VRK2: variants seen among roughly 807,000 people sequenced by gnomAD.
VRK2 encodes the protein VRK serine/threonine kinase 2, also known as serine/threonine-protein kinase VRK2.
Under a neutral mutation model 57.6 loss-of-function variants are expected in VRK2, and 60 were observed. The ratio of observed to expected loss-of-function variants is 1.04; its 90% confidence interval spans 0.85 to 1.29. VRK2 has a LOEUF of 1.29. Ranked by LOEUF, VRK2 falls within the 50% of genes most tolerant of loss-of-function variation. The probability of loss-of-function intolerance (pLI) is 0.00; values close to 1 mark genes in which losing one functional copy is unlikely to be tolerated. For missense variants in VRK2, 705 were observed against 588.1 expected (o/e 1.20, Z -2.06); for synonymous variants, 231 against 199.2 (o/e 1.16, Z -1.35).
At chr2:58,143,444 CT>C (rs1681636754) in intron 11 of VRK2, among the ~76,000 whole-genome samples, 1 of 151,942 alleles carries the variant, frequency 6.6e-6, no homozygotes, top group Admixed American at 6.6e-5. Context: ...TAAAAGTTTC[CT>C]TAGAAATAAG....
chr2:57,991,538 A>C (rs1046806298), intron 1 of VRK2, among the ~76,000 whole-genome samples: 1 of 152,138 alleles, frequency 6.6e-6, no homozygotes, highest in African/African-American at 2.4e-5. Context: ...CATTTACCGA[A>C]CCAGGGTCCA....
chr2:58,123,275 A>G (rs1453645028), intron 8 of VRK2, 42 bp downstream of exon 8: 3 of 1,568,156 alleles, frequency 1.9e-6, no homozygotes, highest in African/African-American at 2.8e-5. Flanking sequence ...TTTCAGAAGA[A>G]TGATTAGAGA....
At chr2:58,107,055 T>C (rs1417716975) in intron 7 of VRK2, among the ~76,000 whole-genome samples, 1 of 152,116 alleles carries the variant, frequency 6.6e-6, no homozygotes, top group Non-Finnish European at 1.5e-5. Context: ...TTAACAGATA[T>C]GAGTGATTCT....
chr2:58,091,140 A>G (rs1198639634), intron 7 of VRK2, among the ~76,000 whole-genome samples: 2 of 152,220 alleles, frequency 1.3e-5, no homozygotes, highest in Non-Finnish European at 1.5e-5. Flanking sequence ...TGGTGAATAC[A>G]TGTCATCATT....
chr2:58,003,711 C>T (rs1673157265), intron 1 of VRK2, among the ~76,000 whole-genome samples: 1 of 152,030 alleles, frequency 6.6e-6, no homozygotes, highest in Non-Finnish European at 1.5e-5. Context: ...TTTCTACAAC[C>T]TTCTTTTCTT....
rs569822541 is a variant in VRK2 at position 57,973,738 on chromosome 2, A to G, written c.-438-51927A>G. ...TTTTCAAGAGCTAAAATTTAACGAT[A>G]AAGAAAGGACAACTTCCTGAGAGGT... On this transcript the variant is annotated intron_variant, in intron 1 of 15. Coordinates refer to the VRK2 transcript ENST00000417641. Among the ~76,000 whole-genome samples the G allele has an allele frequency of 2.4e-4, 37 of 152,046 alleles. 1 individual carries two copies. In the East Asian group the frequency reaches 4.2e-3, roughly 17 times the overall value.
intron 7 of VRK2, among the ~76,000 whole-genome samples, chr2:58,096,363 T>C (rs1349859791): frequency 6.6e-6 from 1 of 152,134 alleles, no homozygotes; most frequent in Non-Finnish European, 1.5e-5. Flanking sequence ...GGTCTTTGAA[T>C]GTGAAACTAT....
chr2:58,088,304 C>A, intron 5 of VRK2, 37 bp from the exon 6 acceptor site: 1 of 1,429,632 alleles, frequency 7.0e-7, no homozygotes, highest in Non-Finnish European at 9.7e-7. Flanking sequence ...GCATTACTTT[C>A]TCAGGATGAT....
upstream of VRK2, among the ~76,000 whole-genome samples, chr2:58,044,427 T>A (rs1001730004): frequency 5.9e-5 from 9 of 152,224 alleles, no homozygotes; most frequent in Admixed American, 4.6e-4. Flanking sequence ...GTTGCCCATA[T>A]CCTTTCTAGG....
intron 2 of VRK2, among the ~76,000 whole-genome samples, chr2:58,030,143 C>T (rs1338798578): frequency 6.6e-6 from 1 of 152,068 alleles, no homozygotes; most frequent in Admixed American, 6.6e-5. Flanking sequence ...TCTGAGGCCT[C>T]CTTTAGCTCT....
intron 1 of VRK2, among the ~76,000 whole-genome samples, chr2:57,909,166 CATTTT>C (rs1477534182): frequency 2.0e-5 from 3 of 152,290 alleles, no homozygotes; most frequent in African/African-American, 7.2e-5. Context: ...AGCTCTCTAA[CATTTT>C]ATTATGCCTC....
intron 1 of VRK2, among the ~76,000 whole-genome samples, chr2:57,980,294 C>A (rs922398416): frequency 6.6e-6 from 1 of 152,022 alleles, no homozygotes; most frequent in African/African-American, 2.4e-5. Context: ...ATTCTTTACC[C>A]AAAATCATTC....
At chr2:57,956,133 C>T (rs562731764) in intron 1 of VRK2, among the ~76,000 whole-genome samples, 50 of 152,238 alleles carry the variant, frequency 3.3e-4, no homozygotes, top group African/African-American at 1.1e-3. Context: ...TGGCTAATGC[C>T]GCTTTGGGAG....
intron 2 of VRK2, among the ~76,000 whole-genome samples, chr2:58,029,889 A>G (rs1572802530): frequency 6.6e-6 from 1 of 152,262 alleles, no homozygotes; most frequent in Non-Finnish European, 1.5e-5. Context: ...ACTGAACTCT[A>G]GAGTTATTGG....
At chr2:57,978,960 T>C (rs778027529) in intron 1 of VRK2, among the ~76,000 whole-genome samples, 1 of 150,876 alleles carries the variant, frequency 6.6e-6, no homozygotes, top group East Asian at 1.9e-4. Context: ...GTTTCATCTA[T>C]GTCCCTGCAA....
At chr2:57,993,699 C>T (rs1256141899) in intron 1 of VRK2, among the ~76,000 whole-genome samples, 1 of 152,202 alleles carries the variant, frequency 6.6e-6, no homozygotes, top group African/African-American at 2.4e-5. Flanking sequence ...TAAGTTTTAA[C>T]TCTGACATGA....
rs1023950839 is a variant in VRK2 at position 58,056,616 on chromosome 2, C to A, written c.136+7649C>A. Among the ~76,000 whole-genome samples, 10 of 152,302 alleles carry A rather than the reference C, an allele frequency of 6.6e-5. No homozygotes were observed. In the South Asian group the frequency reaches 2.1e-3, roughly 32 times the overall value. Reference sequence around the variant, plus strand: ...GAAGAGTAACTAGTGTGGCTACTCACCCCACTTCCTCTCATCTTCCCATTC... The same window carrying A: ...GAAGAGTAACTAGTGTGGCTACTCAACCCACTTCCTCTCATCTTCCCATTC... On this transcript the variant is annotated intron_variant, in intron 2 of 12. Coordinates refer to ENST00000340157, the MANE Select transcript of VRK2 (RefSeq NM_006296.7).
intron 7 of VRK2, among the ~76,000 whole-genome samples, chr2:58,109,416 C>A (rs1321050420): frequency 6.6e-6 from 1 of 151,654 alleles, no homozygotes; most frequent in Non-Finnish European, 1.5e-5. Flanking sequence ...CTGTAGTAGT[C>A]CATTCCCATA....
chr2:57,992,985 G>C (rs995508086), intron 1 of VRK2, among the ~76,000 whole-genome samples: 17 of 152,240 alleles, frequency 1.1e-4, no homozygotes, highest in Admixed American at 1.0e-3. Context: ...TCAACTCTTA[G>C]TACCTCGGTT....
Sources: gnomAD v4.1 joint callset for allele counts (sites outside exome capture counted in the v4.1 genomes callset) on GRCh38, gnomAD v4.1.1 for gene constraint, MANE v1.5 for transcripts, NCBI Gene and HGNC (gene_info 2026-07-23, HGNC 2026-07-21) for gene names.